ST18: variants seen among roughly 807,000 people sequenced by gnomAD.
The protein encoded by ST18 is suppression of tumorigenicity 18 protein.
Under a neutral mutation model 110.0 loss-of-function variants are expected in ST18, and 50 were observed. That is an observed-to-expected ratio of 0.45 (90% CI 0.36 to 0.58). ST18 has a LOEUF of 0.58. Among genes scored for constraint, ST18 ranks in the 20% least tolerant of loss-of-function variants. ST18 has a pLI of 0.00. For missense variants in ST18, 1,306 were observed against 1,280.1 expected (o/e 1.02, Z -0.31); for synonymous variants, 461 against 452.4 (o/e 1.02, Z -0.24).
chr8:52,306,288 A>T (rs1021484542), intron 2 of ST18, among the ~76,000 whole-genome samples: 3 of 152,232 alleles, frequency 2.0e-5, no homozygotes, highest in Admixed American at 6.5e-5. Flanking sequence ...ACATTCTGGC[A>T]TGCTCAACAA....
At chr8:52,157,098 A>G (rs1053361435) in intron 15 of ST18, among the ~76,000 whole-genome samples, 2 of 152,228 alleles carry the variant, frequency 1.3e-5, no homozygotes, top group African/African-American at 4.8e-5. Context: ...AGAACACAAC[A>G]CTGAAAATCT....
At position 52,171,874 on chromosome 8, in the gene ST18, C is replaced by T. The variant is rs2065085610; in HGVS notation, c.987G>A (p.Arg329=). 1.2e-6 allele frequency: 2 copies of T among 1,614,220 alleles called. No individual in the cohort carries two copies. The highest frequency in any genetic ancestry group is 1.1e-5 in the South Asian group (1 of 91,076). Residue 329 remains arginine, a synonymous_variant, in exon 10 of 26, where the codon AGG becomes AGA. Transcript: ENST00000689386. Reference sequence around the variant, plus strand: ...CCCCTGCTAGGTGCTCCAGCAGGAACCTATCCAGCTCTTTGTAGGTGTTAT... The same window carrying T: ...CCCCTGCTAGGTGCTCCAGCAGGAATCTATCCAGCTCTTTGTAGGTGTTAT... ...VFHNTYKELD[R]FLLEHLAGER...
intron 23 of ST18, among the ~76,000 whole-genome samples, chr8:52,119,314 G>A (rs190891986): frequency 6.6e-6 from 1 of 152,272 alleles, no homozygotes; most frequent in Admixed American, 6.5e-5. Flanking sequence ...CAAGGACCTG[G>A]GGAAGGTAGT....
intron 3 of ST18, among the ~76,000 whole-genome samples, chr8:52,228,692 G>A (rs988359982): frequency 6.6e-6 from 1 of 152,098 alleles, no homozygotes; most frequent in African/African-American, 2.4e-5. Context: ...TATTATTGAT[G>A]TTACATATGA....
intron 3 of ST18, among the ~76,000 whole-genome samples, chr8:52,226,526 A>G (rs1047946106): frequency 1.3e-5 from 2 of 152,114 alleles, no homozygotes; most frequent in Non-Finnish European, 2.9e-5. Flanking sequence ...CTTTTAAAAA[A>G]CCAATCAGGT....
At chr8:52,233,347 G>A (rs1200045870) in intron 2 of ST18, among the ~76,000 whole-genome samples, 1 of 152,136 alleles carries the variant, frequency 6.6e-6, no homozygotes, top group Non-Finnish European at 1.5e-5. Context: ...CCCTGAAGAT[G>A]TGGAGGCCAA....
At chr8:52,399,413 G>GT (rs1477285786) in intron 2 of ST18, among the ~76,000 whole-genome samples, 1 of 148,618 alleles carries the variant, frequency 6.7e-6, no homozygotes, top group African/African-American at 2.5e-5. Flanking sequence ...TTTATCTATG[G>GT]TTTTTCTGTT....
chr8:52,298,752 A>T (rs933946242), intron 2 of ST18, among the ~76,000 whole-genome samples: 2 of 152,232 alleles, frequency 1.3e-5, no homozygotes, highest in African/African-American at 4.8e-5. Context: ...TTTCCATTCA[A>T]CATACTATTT....
chr8:52,257,971 G>C (rs1050074463), intron 2 of ST18, among the ~76,000 whole-genome samples: 5 of 152,134 alleles, frequency 3.3e-5, no homozygotes, highest in Non-Finnish European at 5.9e-5. Flanking sequence ...GTGAGGTAGA[G>C]ATCCAACTGC....
intron 8 of ST18, among the ~76,000 whole-genome samples, chr8:52,201,585 C>A (rs1453964000): frequency 6.6e-6 from 1 of 151,274 alleles, no homozygotes; most frequent in Admixed American, 6.6e-5. Context: ...AGGCAGAGAA[C>A]CACAGTGAGA....
intron 8 of ST18, among the ~76,000 whole-genome samples, chr8:52,182,774 T>C (rs902243073): frequency 2.3e-4 from 35 of 152,230 alleles, no homozygotes; most frequent in South Asian, 4.1e-4. Context: ...TGAGCTCTCA[T>C]GCTGCATGTT....
At chr8:52,385,225 A>G (rs1836124511) in intron 2 of ST18, among the ~76,000 whole-genome samples, 1 of 152,200 alleles carries the variant, frequency 6.6e-6, no homozygotes, top group Admixed American at 6.5e-5. Context: ...AACTCTTGTC[A>G]TGGCTAAGAC....
At chr8:52,130,549 A>T (rs776799104) in intron 22 of ST18, among the ~76,000 whole-genome samples, 3 of 152,216 alleles carry the variant, frequency 2.0e-5, no homozygotes, top group Non-Finnish European at 4.4e-5. Flanking sequence ...GGTCAGACAG[A>T]TCTCCGGGTT....
chr8:52,246,237 T>A (rs1395738614), intron 2 of ST18, among the ~76,000 whole-genome samples: 1 of 152,006 alleles, frequency 6.6e-6, no homozygotes, highest in African/African-American at 2.4e-5. Context: ...TCAATTATAA[T>A]GTCCTTAAAA....
At chr8:52,213,072 A>T (rs1362266972) in intron 7 of ST18, among the ~76,000 whole-genome samples, 7 of 152,228 alleles carry the variant, frequency 4.6e-5, no homozygotes, top group Non-Finnish European at 1.5e-5. Flanking sequence ...GAAATACTAC[A>T]TTCCAAATAT....
chr8:52,303,357 T>C (rs143119010), intron 2 of ST18, among the ~76,000 whole-genome samples: 14 of 152,394 alleles, frequency 9.2e-5, no homozygotes, highest in Admixed American at 4.6e-4. Context: ...TGTGTTTTCA[T>C]GTCTCTCTTT....
At chr8:52,331,665 G>A (rs572683524) in intron 2 of ST18, among the ~76,000 whole-genome samples, 1 of 152,296 alleles carries the variant, frequency 6.6e-6, no homozygotes, top group South Asian at 2.1e-4. Context: ...ATCACACATT[G>A]TTGTAATTAC....
intron 23 of ST18, among the ~76,000 whole-genome samples, chr8:52,125,146 G>A (rs1193616472): frequency 1.3e-5 from 2 of 152,150 alleles, no homozygotes; most frequent in Non-Finnish European, 2.9e-5. Flanking sequence ...AGGAAAATTG[G>A]AGGATCCAAA....
At chr8:52,203,262 G>C (rs16917457) in intron 8 of ST18, among the ~76,000 whole-genome samples, 5,423 of 152,236 alleles carry the variant, frequency 0.036, 179 homozygotes, top group East Asian at 0.11. Context: ...AGGCAGCAAG[G>C]CTTGATCTTT....
Sources: gnomAD v4.1 joint callset for allele counts (sites outside exome capture counted in the v4.1 genomes callset) on GRCh38, gnomAD v4.1.1 for gene constraint, MANE v1.5 for transcripts, NCBI Gene and HGNC (gene_info 2026-07-23, HGNC 2026-07-21) for gene names.